JMJD1C: variants seen among roughly 807,000 people sequenced by gnomAD.
JMJD1C encodes the protein jumonji domain-containing protein 1C.
A neutral mutation model predicts 245.3 loss-of-function variants in JMJD1C; 31 were observed. That is an observed-to-expected ratio of 0.13 (90% CI 0.09 to 0.17). The LOEUF is 0.17. Among genes scored for constraint, JMJD1C ranks in the 10% least tolerant of loss-of-function variants. The pLI, the probability that JMJD1C is intolerant of heterozygous loss-of-function variation, is 1.00. For missense variants in JMJD1C, 2,691 were observed against 3,000.2 expected, an observed-to-expected ratio of 0.90 and a Z score of 2.41; for synonymous variants, 1,057 against 1,017.4, an observed-to-expected ratio of 1.04 and a Z score of -0.74.
chr10:63,291,935 C>T (rs1858780092), intron 2 of JMJD1C, among the ~76,000 whole-genome samples: 1 of 151,720 alleles, frequency 6.6e-6, no homozygotes, highest in Admixed American at 6.6e-5. Context: ...TGTGTGTGTG[C>T]ATGTCTGTGT....
chr10:63,229,828 T>C (rs1589224066), intron 3 of JMJD1C, among the ~76,000 whole-genome samples: 1 of 152,342 alleles, frequency 6.6e-6, no homozygotes, highest in East Asian at 1.9e-4. Flanking sequence ...TTTATTTTTA[T>C]TTAGAAACAA....
intron 3 of JMJD1C, among the ~76,000 whole-genome samples, chr10:63,247,719 CAA>C (rs71025135): frequency 6.6e-5 from 7 of 105,464 alleles, no homozygotes; most frequent in East Asian, 3.1e-4. Context: ...GTGACAGAGC[CAA>C]AAAAAAAAAA....
At chr10:63,340,974 G>GT (rs1943322463) in intron 2 of JMJD1C, among the ~76,000 whole-genome samples, 1 of 152,032 alleles carries the variant, frequency 6.6e-6, no homozygotes, top group Non-Finnish European at 1.5e-5. Context: ...ACAAAAGACA[G>GT]TTAGTTACAT....
At chr10:63,182,761 G>T (rs1254234024) in intron 22 of JMJD1C, among the ~76,000 whole-genome samples, 1 of 152,100 alleles carries the variant, frequency 6.6e-6, no homozygotes, top group Admixed American at 6.5e-5. Flanking sequence ...TCTTTTTACT[G>T]GAGGGGAAAA....
chr10:63,252,993 C>T (rs536856262), intron 3 of JMJD1C, among the ~76,000 whole-genome samples: 140 of 152,290 alleles, frequency 9.2e-4, no homozygotes, highest in African/African-American at 3.3e-3. Flanking sequence ...ATGTTTCCTA[C>T]AAGGGAGGTC....
intron 2 of JMJD1C, among the ~76,000 whole-genome samples, chr10:63,281,235 AG>A (rs1857347622): frequency 6.6e-6 from 1 of 150,710 alleles, no homozygotes; most frequent in Non-Finnish European, 1.5e-5. Context: ...CCCAGGTTCA[AG>A]CAATTCTCCC....
chr10:63,474,669 T>G (rs1251288227), intron 1 of JMJD1C, among the ~76,000 whole-genome samples: 5 of 152,082 alleles, frequency 3.3e-5, no homozygotes, highest in African/African-American at 1.2e-4. Context: ...TAGGCTTGTC[T>G]CAAATTCTGG....
intron 2 of JMJD1C, among the ~76,000 whole-genome samples, chr10:63,316,544 T>C (rs1425307281): frequency 2.0e-5 from 3 of 152,088 alleles, no homozygotes; most frequent in African/African-American, 7.2e-5. Flanking sequence ...GCCTCCTGTG[T>C]TCAAGCGATT....
chr10:63,304,501 C>T (rs1022063376), intron 2 of JMJD1C, among the ~76,000 whole-genome samples: 2 of 152,116 alleles, frequency 1.3e-5, no homozygotes, highest in Non-Finnish European at 1.5e-5. Context: ...AAATAAAAGA[C>T]GTGGGATTTA....
chr10:63,297,087 A>C (rs2133971878), intron 2 of JMJD1C, among the ~76,000 whole-genome samples: 1 of 152,266 alleles, frequency 6.6e-6, no homozygotes, highest in Non-Finnish European at 1.5e-5. Flanking sequence ...GGATCCTGAA[A>C]AGTATATGCA....
chr10:63,396,483 C>T (rs1564875550), intron 1 of JMJD1C, among the ~76,000 whole-genome samples: 1 of 152,160 alleles, frequency 6.6e-6, no homozygotes, highest in Non-Finnish European at 1.5e-5. Context: ...GGTGAGAAAG[C>T]AGCTATAGAA....
intron 3 of JMJD1C, among the ~76,000 whole-genome samples, chr10:63,231,901 G>A (rs1177845138): frequency 6.6e-6 from 1 of 152,114 alleles, no homozygotes; most frequent in Non-Finnish European, 1.5e-5. Flanking sequence ...GCAATGGTGT[G>A]ATCACAGCTC....
intron 1 of JMJD1C, among the ~76,000 whole-genome samples, chr10:63,415,486 G>A (rs1025484555): frequency 6.6e-6 from 1 of 152,060 alleles, no homozygotes; most frequent in Non-Finnish European, 1.5e-5. Flanking sequence ...AATTCATGTG[G>A]ATTCAGCAAA....
At chr10:63,457,457 T>C (rs1179878279) in intron 1 of JMJD1C, among the ~76,000 whole-genome samples, 1 of 152,114 alleles carries the variant, frequency 6.6e-6, no homozygotes, top group Non-Finnish European at 1.5e-5. Flanking sequence ...AAACTTTAAT[T>C]GCAGATTTGT....
chr10:63,262,159 C>T (rs899697936), intron 3 of JMJD1C, among the ~76,000 whole-genome samples: 5 of 152,172 alleles, frequency 3.3e-5, no homozygotes, highest in Admixed American at 6.5e-5. Context: ...TAGGTCAAGG[C>T]ACTATTTACA....
intron 1 of JMJD1C, among the ~76,000 whole-genome samples, chr10:63,405,762 T>G (rs1949133239): frequency 6.6e-6 from 1 of 152,192 alleles, no homozygotes; most frequent in Non-Finnish European, 1.5e-5. Context: ...AAGTAGTAAC[T>G]CTAGTAGTAA....
intron 1 of JMJD1C, chr10:63,521,434 C>G (rs1342700540): frequency 2.1e-6 from 1 of 484,296 alleles, no homozygotes; most frequent in Non-Finnish European, 2.9e-6. Context: ...GGCGCCAGCG[C>G]GGCCCCGGGG....
At chr10:63,265,023 A>C (rs957325084) in intron 2 of JMJD1C, among the ~76,000 whole-genome samples, 2 of 152,192 alleles carry the variant, frequency 1.3e-5, no homozygotes, top group Non-Finnish European at 2.9e-5. Flanking sequence ...ACTTTTAAAA[A>C]GGGATGTAAT....
rs576983326 is a variant in JMJD1C at position 63,465,511 on chromosome 10, C to A, written c.152G>T (p.Arg51Leu). Residue 51 changes from arginine (R) to leucine (L), a missense_variant, in exon 1 of 26, where the codon CGC (arginine) becomes CTC (leucine). By Grantham distance (102) the Arg-to-Leu change is moderately radical. Transcript: ENST00000399262. ...VIRAVSHRDSRNPDLAVYVEF... is the reference protein window; with the variant it reads ...VIRAVSHRDSLNPDLAVYVEF... Reference sequence around the variant, plus strand: ...CTCTCTTACCGCCAGGTCCGGATTGCGGCTGTCCCTGTGTGACACGGCTCG... The same window carrying A: ...CTCTCTTACCGCCAGGTCCGGATTGAGGCTGTCCCTGTGTGACACGGCTCG... 1.2e-5 allele frequency: 20 copies of A among 1,603,784 alleles called. No individual in the cohort carries two copies. The Admixed American group carries it at 2.4e-4, about 19-fold the overall frequency.
Sources: allele counts gnomAD v4.1 joint callset (sites outside exome capture counted in the v4.1 genomes callset), GRCh38; gene constraint gnomAD v4.1.1; transcripts MANE v1.5; gene names NCBI Gene and HGNC (gene_info 2026-07-23, HGNC 2026-07-21).